NOTCH4: variants seen among roughly 807,000 people sequenced by gnomAD.
NOTCH4 encodes the protein neurogenic locus notch homolog protein 4.
NOTCH4 carries 138 observed loss-of-function variants against 189.0 expected under a neutral mutation model. The ratio of observed to expected loss-of-function variants is 0.73; its 90% CI spans 0.64 to 0.84. NOTCH4 has a LOEUF of 0.84. Among genes scored for constraint, NOTCH4 ranks in the 40% least tolerant of loss-of-function variants. The pLI is 0.00. For missense variants in NOTCH4, 2,286 were observed against 2,605.4 expected, an observed-to-expected ratio of 0.88 and a Z score of 2.67; for synonymous variants, 942 against 1,032.8, an observed-to-expected ratio of 0.91 and a Z score of 1.69.
At chr6:32,214,325 G>C in intron 12 of NOTCH4, 70 bp from the exon 13 acceptor site, 1 of 1,534,524 alleles carries the variant, frequency 6.5e-7, no homozygotes, top group Non-Finnish European at 8.9e-7. Context: ...CTGCTGCCTG[G>C]ACCCCTATGA....
intron 11 of NOTCH4, among the ~76,000 whole-genome samples, chr6:32,215,645 C>T (rs1789353958): frequency 6.6e-6 from 1 of 152,212 alleles, no homozygotes; most frequent in Admixed American, 6.5e-5. Flanking sequence ...GTACCCTTAA[C>T]TCTGACTTTC....
At position 32,210,821 on chromosome 6, in the gene NOTCH4, G is replaced by A. The variant is rs1390202638; in HGVS notation, c.2796C>T (p.Asn932=). 1 of 1,613,020 alleles carries A rather than the reference G, an allele frequency of 6.2e-7. No individual in the cohort carries two copies. Among genetic ancestry groups the A allele is most frequent in the East Asian group, 2.2e-5 (1 of 44,876 alleles). ...TCTGGCAAGGCCTGGACTCACATGG[G>A]TTCACGTGATCCTGGCACAGGCTGC... ...FQGSLCQDHV[N]PCESRPCQNG... The change falls in exon 18 of 30, where the codon AAC becomes AAT. Residue 932 remains asparagine (N), a synonymous_variant. Transcript: ENST00000375023. This position sits in a 1 kb window ranked among gnomAD's most constrained non-coding sequence, Gnocchi z 4.8.
At chr6:32,206,875 A>AGCC (rs1271266340) in intron 18 of NOTCH4, among the ~76,000 whole-genome samples, 1 of 151,976 alleles carries the variant, frequency 6.6e-6, no homozygotes, top group African/African-American at 2.4e-5. Flanking sequence ...TGTAATAGAG[A>AGCC]GCCCAGAAAA....
Position 32,203,869 on chromosome 6 carries a change from C to T in NOTCH4, c.3132G>A (p.Glu1044=). ...GGCTGTGGCAGGGGTCTATCTCCAC[C>T]TCACACCACTGGCCTGTAATTATGG... is the stretch of plus-strand genomic sequence containing the variant. The part of the protein sequence containing the change: ...CLPGHTGQWC[E]VEIDPCHSQP... Residue 1044 remains glutamate (E), a synonymous_variant, in exon 20 of 30, where the codon GAG becomes GAA. Transcript: ENST00000375023. 1.9e-6 allele frequency: 3 copies of T among 1,556,266 alleles called. No individual in the cohort carries two copies. The highest frequency in any genetic ancestry group is 2.6e-6 in the Non-Finnish European group (3 of 1,149,560).
At position 32,202,751 on chromosome 6, in the gene NOTCH4, A is replaced by T; in HGVS notation, c.3232-152T>A. 1 of 644,316 alleles carries T rather than the reference A, an allele frequency of 1.6e-6. No homozygotes were observed. Among genetic ancestry groups the T allele is most frequent in the African/African-American group, 1.8e-5 (1 of 55,122 alleles). The allele number at this position is 644,316 out of a possible 1,614,324, so 39.9% of individuals were successfully genotyped here. The stretch of plus-strand genomic sequence containing the variant: ...GAGCATCAAGTTAATCATTTTGTGG[A>T]TGTTGAAACCATGTCCTGTGGTAAT... On this transcript the variant is annotated intron_variant, in intron 20 of 29. Transcript: ENST00000375023. This position sits in a 1 kb window ranked among gnomAD's most constrained non-coding sequence, Gnocchi z 5.7.
Position 32,220,411 on chromosome 6 carries a change from G to T in NOTCH4, c.1153C>A (p.Arg385Ser), listed in dbSNP as rs370312303. 5.6e-6 allele frequency: 9 copies of T among 1,613,874 alleles called. No homozygotes were observed. The highest frequency in any genetic ancestry group is 5.3e-5 in the African/African-American group (4 of 74,880). Residue 385 changes from arginine (R) to serine (S), a missense_variant, in exon 6 of 30, where the codon CGC becomes AGC. Physicochemically the swap from Arg to Ser is moderately radical, Grantham distance 110. Transcript: ENST00000375023. ...GSFSCLCPPG[R>S]TGLLCHLEDM... ...ATACCCTCTACCCCCATACCTGTGC[G>T]TCCAGGTGGGCAGAGGCAGGAGAAA...
rs1789736280 is a variant in NOTCH4 at position 32,221,017 on chromosome 6, C to T, written c.760G>A (p.Glu254Lys). Reference sequence around the variant, plus strand: ...CAGAGGTGAAAGGTGGAGTCTTTCTCTGGCATCAGCTGGCAGGTGCCCCCA... The same window carrying T: ...CAGAGGTGAAAGGTGGAGTCTTTCTTTGGCATCAGCTGGCAGGTGCCCCCA... Reference protein sequence around the residue: ...SNGGTCQLMPEKDSTFHLCLC... With the variant: ...SNGGTCQLMPKKDSTFHLCLC... The change falls in exon 4 of 30, where the codon GAG becomes AAG. Residue 254 changes from glutamate to lysine, a missense_variant. This residue lies in a region of NOTCH4 where 1,903 missense variants were observed against 2,261.9 expected (regional missense o/e 0.84). Transcript: ENST00000375023. This position sits in a 1 kb window ranked among gnomAD's most constrained non-coding sequence, Gnocchi z 4.3. 1 of 1,608,292 alleles carries T rather than the reference C, an allele frequency of 6.2e-7. No individual in the cohort carries two copies.
Position 32,202,568 on chromosome 6 carries a change from G to A in NOTCH4, c.3263C>T (p.Ala1088Val), listed in dbSNP as rs761015481. ...GFEGPTCSHR[A>V]PSCGFHHCHH... ...GCAGTGATGGAAGCCGCAGGAAGGG[G>A]CCCTGTGGCTGCAGGTGGGGCCTTC... is the stretch of plus-strand genomic sequence containing the variant. Residue 1088 changes from alanine (A) to valine (V), a missense_variant, in exon 21 of 30, where the codon GCC becomes GTC. Around this residue, in one of 2 missense-constraint regions of NOTCH4, gnomAD observed 1,903 missense variants for 2,261.9 expected, o/e 0.84. Transcript: ENST00000375023. This position sits in a 1 kb window ranked among gnomAD's most constrained non-coding sequence, Gnocchi z 5.7. The A allele has an allele frequency of 9.4e-5, 150 of 1,597,506 alleles. 6 individuals carry two copies. The highest frequency in any genetic ancestry group is 5.4e-4 in the East Asian group (24 of 44,470).
At chr6:32,213,600 A>T in intron 14 of NOTCH4, 88 bp downstream of exon 14, 1 of 1,479,132 alleles carries the variant, frequency 6.8e-7, no homozygotes, top group South Asian at 1.3e-5. Context: ...CTGTTCAATT[A>T]AATTTTAAAA....
chr6:32,203,553 C>T (rs866793622), intron 20 of NOTCH4: 70 of 540,312 alleles, frequency 1.3e-4, no homozygotes, highest in African/African-American at 4.8e-4. Flanking sequence ...CCTTAGGCAA[C>T]GCCTGTGATT....
rs775207648 is a variant in NOTCH4, at chr6:32,222,750, G to A, written c.212C>T (p.Ala71Val). The change falls in exon 3 of 30, where the codon GCC becomes GTC. Residue 71 changes from alanine to valine, a missense_variant. By Grantham distance (64) the Ala-to-Val change is moderately conservative (BLOSUM62 0). Around this residue, in one of 2 missense-constraint regions of NOTCH4, gnomAD observed 1,903 missense variants for 2,261.9 expected, o/e 0.84. Transcript: ENST00000375023. ...GCTGCCTCCATTTTGGCAGAGCTGG[G>A]CGTTCTGGCAGGGGTCAGGAAACTG... The part of the protein sequence containing the change: ...TCQFPDPCQN[A>V]QLCQNGGSCQ... The A allele has an allele frequency of 3.7e-6, 6 of 1,612,712 alleles. No homozygotes were observed. The highest frequency in any genetic ancestry group is 5.1e-6 in the Non-Finnish European group (6 of 1,179,408).
chr6:32,200,983 TC>T lies in NOTCH4; in HGVS notation c.4162del (p.Asp1388IlefsTer70). On this transcript the variant is annotated frameshift_variant, in exon 23 of 30. Coordinates refer to ENST00000375023, the MANE Select transcript of NOTCH4 (RefSeq NM_004557.4). LOFTEE classifies it high-confidence loss of function. The surrounding 1 kb of genome is among the most constrained non-coding windows in gnomAD (Gnocchi z 5.0). The part of the protein sequence containing the change: ...SAGFVVVMGV[D>X]LSRCGPDHPA... ...GTGGTCAGGGCCACAGCGGGACAAA[TC>T]CACACCCATGACCACCACAAACCTG... is the stretch of plus-strand genomic sequence containing the variant. 2.5e-6 allele frequency: 4 copies of T among 1,582,324 alleles called. No homozygotes were observed. The highest frequency in any genetic ancestry group is 3.4e-6 in the Non-Finnish European group (4 of 1,164,352).
chr6:32,197,325 C>G lies in NOTCH4; in HGVS notation c.5026G>C (p.Ala1676Pro), dbSNP rs1380616242. The change falls in exon 27 of 30, where the codon GCT becomes CCT. Residue 1676 changes from alanine to proline, a missense_variant. Around this residue, in one of 2 missense-constraint regions of NOTCH4, gnomAD observed 1,903 missense variants for 2,261.9 expected, o/e 0.84. Coordinates refer to ENST00000375023, the MANE Select transcript of NOTCH4 (RefSeq NM_004557.4). ...TGGCAGACCTCCCGAGCATCAGCAG[C>G]CACAGCAGCATGAAGGGGTGTGCGC... The part of the protein sequence containing the change: ...AGRTPLHAAV[A>P]ADAREVCQLL... 6.5e-7 allele frequency: 1 copy of G among 1,531,090 alleles called. No homozygotes were observed. Among genetic ancestry groups the G allele is most frequent in the Non-Finnish European group, 8.8e-7 (1 of 1,141,324 alleles). The allele number at this position is 1,531,090 out of a possible 1,614,324, so 94.8% of individuals were successfully genotyped here.
chr6:32,214,928 G>A (rs879910876), intron 12 of NOTCH4, among the ~76,000 whole-genome samples: 2 of 152,134 alleles, frequency 1.3e-5, no homozygotes, highest in African/African-American at 4.8e-5. Context: ...TCAGCACTGC[G>A]CCTGGCCTCA....
At position 32,194,992 on chromosome 6, in the gene NOTCH4, G is replaced by A. The variant is rs1253274518; in HGVS notation, c.*445C>T. The A allele has an allele frequency of 4.1e-6, 1 of 241,140 alleles. No homozygotes were observed. The highest frequency in any genetic ancestry group is 5.4e-5 in the Admixed American group (1 of 18,390). The allele number at this position is 241,140 out of a possible 1,614,324, so 14.9% of individuals were successfully genotyped here. ...GGAGTCATCAGCGGGGGTGGCCCTT[G>A]GCCACTTTTCAGCACCTACACAGTG... On this transcript the variant is annotated 3_prime_UTR_variant, in exon 30 of 30. Transcript: ENST00000375023. The surrounding 1 kb of genome is among the most constrained non-coding windows in gnomAD (Gnocchi z 4.5).
intron 18 of NOTCH4, among the ~76,000 whole-genome samples, chr6:32,206,636 CAG>C (rs2127471795): frequency 6.6e-6 from 1 of 152,118 alleles, no homozygotes; most frequent in South Asian, 2.1e-4. Context: ...AAGTGATCTA[CAG>C]AGTCATGCAA....
intron 28 of NOTCH4, 140 bp from the exon 29 acceptor site, chr6:32,196,561 C>T (rs1370708986): frequency 4.7e-6 from 5 of 1,069,484 alleles, no homozygotes; most frequent in Non-Finnish European, 6.6e-6. Context: ...CCCAGGAGAC[C>T]ACCGGCCTGC....
Position 32,213,791 on chromosome 6 carries a change from G to A in NOTCH4, c.2217C>T (p.Leu739=). Residue 739 remains leucine (L), a synonymous_variant, in exon 14 of 30, where the codon CTC becomes CTT. Transcript: ENST00000375023. ...GGCTAGGGTTGCAGGAGCCGCCATT[G>A]AGACATGGCCCTGAGTGACAAGCTG... ...EMTACHSGPC[L]NGGSCNPSPG... is the part of the protein sequence containing the mutation. 6.2e-7 allele frequency: 1 copy of A among 1,612,198 alleles called. No homozygotes were observed. Among genetic ancestry groups the A allele is most frequent in the Non-Finnish European group, 8.5e-7 (1 of 1,179,928 alleles).
In NOTCH4 at chr6:32,220,605, G is replaced by C. The variant is rs187547293; in HGVS notation, c.959C>G (p.Thr320Ser). The change falls in exon 6 of 30, where the codon ACC (threonine) becomes AGC (serine). Residue 320 changes from threonine to serine, a missense_variant. By Grantham distance (58) the Thr-to-Ser change is moderately conservative. Transcript: ENST00000375023. ...DCSEDVDECE[T>S]QGPPHCRNGG... is the part of the protein sequence containing the mutation. ...GTTTCTGCAGTGAGGGGGACCCTGG[G>C]TCTCACACTCATCCACATCTTCGGA... 8 of 1,614,022 alleles carry C rather than the reference G, an allele frequency of 5.0e-6. No individual in the cohort carries two copies. Among genetic ancestry groups the C allele is most frequent in the South Asian group, 2.2e-5 (2 of 91,082 alleles).
Sources: gnomAD v4.1 joint callset for allele counts (sites outside exome capture counted in the v4.1 genomes callset) on GRCh38, gnomAD v4.1.1 for gene constraint, gnomAD v4.1.1 regional missense constraint, Gnocchi (gnomAD v3.1) non-coding constraint, MANE v1.5 for transcripts, NCBI Gene and HGNC (gene_info 2026-07-23, HGNC 2026-07-21) for gene names.